Variants in SLC25A23 observed in about 807,000 individuals in gnomAD.
The protein encoded by SLC25A23 is solute carrier family 25 member 23.
A neutral mutation model predicts 53.9 loss-of-function variants in SLC25A23; 32 were observed. The ratio of observed to expected loss-of-function variants is 0.59; its 90% CI spans 0.45 to 0.80. SLC25A23 has a LOEUF of 0.80. Among genes scored for constraint, SLC25A23 ranks in the 30% least tolerant of loss-of-function variants. The probability of loss-of-function intolerance (pLI) is 0.00; values close to 1 mark genes in which losing one functional copy is unlikely to be tolerated. For missense variants in SLC25A23, 575 were observed against 651.4 expected (o/e 0.88, Z 1.28); for synonymous variants, 275 against 264.5 (o/e 1.04, Z -0.38).
intron 2 of SLC25A23, 83 bp from the exon 3 acceptor site, chr19:6,457,673 G>T: frequency 8.2e-7 from 1 of 1,220,342 alleles, no homozygotes; most frequent in Non-Finnish European, 1.2e-6. Flanking sequence ...GAACAGCTTG[G>T]AATGGAGGTG....
chr19:6,440,223 G>T lies in SLC25A23; in HGVS notation c.*1752C>A, dbSNP rs2092399157. On this transcript the variant is annotated 3_prime_UTR_variant, in exon 10 of 10. Transcript: ENST00000301454. ...TCCCCTTTCCAAGTCCCTCCATGGG[G>T]TCTCCAGATGATCCTAAGCTCAGAA... The T allele has an allele frequency of 6.6e-6, 1 of 152,540 alleles. No homozygotes were observed. Among genetic ancestry groups the T allele is most frequent in the Non-Finnish European group, 1.5e-5 (1 of 68,032 alleles). 9.4% of individuals were successfully genotyped at this position (152,540 alleles called of 1,614,324 possible). A position where few individuals can be genotyped will look rare whatever the true frequency, so the allele number is the denominator to read the frequency against.
downstream of SLC25A23, among the ~76,000 whole-genome samples, chr19:6,439,384 ATCTCTC>A (rs71174914): frequency 1.4e-4 from 19 of 137,894 alleles, no homozygotes; most frequent in African/African-American, 3.0e-4. Context: ...GTGAGATCCT[ATCTCTC>A]TCTCTCTCTC....
chr19:6,436,560 T>A (rs1176464942), downstream of SLC25A23: 1 of 416,368 alleles, frequency 2.4e-6, no homozygotes, highest in Non-Finnish European at 4.8e-6. Flanking sequence ...TTTTTTTTTT[T>A]TTCTTTGAGA....
In SLC25A23 at chr19:6,454,452, C is replaced by T; in HGVS notation, c.666G>A (p.Arg222=). 1.9e-6 allele frequency: 3 copies of T among 1,614,164 alleles called. No individual in the cohort carries two copies. Among genetic ancestry groups the T allele is most frequent in the Non-Finnish European group, 2.5e-6 (3 of 1,180,042 alleles). ...FMQVHASKTN[R]LNILGGLRSM... ...TTCGAAGCCCCCCAAGGATGTTCAG[C>T]CGGTTGGTCTTTGAGGCATGGACCT... Residue 222 remains arginine, a synonymous_variant, in exon 6 of 10, where the codon CGG becomes CGA. Transcript: ENST00000301454. This position sits in a 1 kb window ranked among gnomAD's most constrained non-coding sequence, Gnocchi z 4.3.
intron 9 of SLC25A23, among the ~76,000 whole-genome samples, chr19:6,443,037 C>T (rs1183884493): frequency 1.3e-5 from 2 of 149,634 alleles, no homozygotes; most frequent in Non-Finnish European, 3.0e-5. Flanking sequence ...CTGCTGGGTT[C>T]AAGTGATTCT....
intron 8 of SLC25A23, among the ~76,000 whole-genome samples, chr19:6,447,371 G>A (rs147235572): frequency 6.6e-5 from 10 of 150,858 alleles, no homozygotes; most frequent in African/African-American, 1.9e-4. Context: ...GTGAAATCTC[G>A]GCTCACTGCA....
In SLC25A23 at chr19:6,458,598, A is replaced by T. The variant is rs78699598; in HGVS notation, c.157-274T>A. Among the ~76,000 whole-genome samples, 2,647 of 152,346 alleles carry T rather than the reference A, an allele frequency of 0.017. 30 individuals carry two copies. Among genetic ancestry groups the T allele is most frequent in the Middle Eastern group, 0.044 (13 of 294 alleles). On this transcript the variant is annotated intron_variant, in intron 1 of 9. Coordinates refer to ENST00000301454, the MANE Select transcript of SLC25A23 (RefSeq NM_024103.3). ...GTCACCAGTTCAAGGTCACAGAACCAGGAAATGGTAACCTCAGTTCTCATC... is the reference window on the plus strand; with the variant it reads ...GTCACCAGTTCAAGGTCACAGAACCTGGAAATGGTAACCTCAGTTCTCATC...
chr19:6,456,524 G>C lies in SLC25A23; in HGVS notation c.379C>G (p.Arg127Gly). ...QAEKILHSMD[R>G]DGTMTIDWQE... ...CAGTCAATGGTCATTGTGCCGTCTC[G>C]GTCCATGCTGGGGGGAAGAAAGGGG... Residue 127 changes from arginine (R) to glycine (G), a missense_variant, in exon 4 of 10, where the codon CGA becomes GGA. Coordinates refer to ENST00000301454, the MANE Select transcript of SLC25A23 (RefSeq NM_024103.3). The C allele has an allele frequency of 6.2e-7, 1 of 1,613,468 alleles. No individual in the cohort carries two copies. Among genetic ancestry groups the C allele is most frequent in the Non-Finnish European group, 8.5e-7 (1 of 1,179,848 alleles).
Position 6,456,522 on chromosome 19 carries a change from T to C in SLC25A23, c.381A>G (p.Arg127=), listed in dbSNP as rs1344733157. 1 of 1,608,020 alleles carries C rather than the reference T, an allele frequency of 6.2e-7. No individual in the cohort carries two copies. The highest frequency in any genetic ancestry group is 8.5e-7 in the Non-Finnish European group (1 of 1,177,268). ...GCCAGTCAATGGTCATTGTGCCGTC[T>C]CGGTCCATGCTGGGGGGAAGAAAGG... is the stretch of plus-strand genomic sequence containing the variant. ...QAEKILHSMD[R]DGTMTIDWQE... is the part of the protein sequence containing the mutation. The change falls in exon 4 of 10, where the codon CGA becomes CGG. Residue 127 remains arginine (R), a synonymous_variant. Transcript: ENST00000301454.
At chr19:6,437,360 C>T (rs988058718), downstream of SLC25A23, among the ~76,000 whole-genome samples, 3 of 152,090 alleles carry the variant, frequency 2.0e-5, no homozygotes, top group African/African-American at 7.2e-5. Context: ...GTGGGTTGAA[C>T]TTTGTCCCCC....
At chr19:6,452,870 C>G (rs559590716) in intron 7 of SLC25A23, among the ~76,000 whole-genome samples, 1 of 152,144 alleles carries the variant, frequency 6.6e-6, no homozygotes, top group African/African-American at 2.4e-5. Context: ...TATCTTGTTC[C>G]CTTCTGCTTT....
At chr19:6,443,163 T>C (rs2092448763) in intron 9 of SLC25A23, among the ~76,000 whole-genome samples, 1 of 151,746 alleles carries the variant, frequency 6.6e-6, no homozygotes, top group Admixed American at 6.6e-5. Flanking sequence ...AGTCTCGAAC[T>C]CCTGACCTCA....
rs2092722045 is a variant in SLC25A23, at chr19:6,459,071, TC to T, written c.156+401del. The stretch of plus-strand genomic sequence containing the variant: ...AGGCCAGGGAATGTAAACACAGGGA[TC>T]GGGGCAGCTGCAGGCCAGGGCAGTA... On this transcript the variant is annotated intron_variant, in intron 1 of 9. Transcript: ENST00000301454. The surrounding 1 kb of genome is among the most constrained non-coding windows in gnomAD (Gnocchi z 4.6). 6.6e-6 allele frequency among the ~76,000 whole-genome samples: 1 copy of T among 151,968 alleles called. No individual in the cohort carries two copies. The highest frequency in any genetic ancestry group is 6.5e-5 in the Admixed American group (1 of 15,272).
At chr19:6,436,780 T>G (rs907615245), downstream of SLC25A23, among the ~76,000 whole-genome samples, 58 of 152,030 alleles carry the variant, frequency 3.8e-4, no homozygotes, top group East Asian at 7.8e-4. Flanking sequence ...ACTCCTGACC[T>G]CAGGTGATTC....
rs367621690 is a variant in SLC25A23, at chr19:6,454,301, T to A, written c.795+22A>T. On this transcript the variant is annotated intron_variant, in intron 6 of 9. Coordinates refer to ENST00000301454, the MANE Select transcript of SLC25A23 (RefSeq NM_024103.3). This position sits in a 1 kb window ranked among gnomAD's most constrained non-coding sequence, Gnocchi z 4.3. ...CCAGTCTTCCCTATGGCAAGCACAT[T>A]CCTCCCTGTACCTGCCCTCACCTGT... 6.2e-7 allele frequency: 1 copy of A among 1,605,804 alleles called. No homozygotes were observed. Among genetic ancestry groups the A allele is most frequent in the African/African-American group, 1.3e-5 (1 of 74,736 alleles).
chr19:6,443,004 A>G (rs2092446661), intron 9 of SLC25A23, among the ~76,000 whole-genome samples: 2 of 146,772 alleles, frequency 1.4e-5, no homozygotes, highest in African/African-American at 5.1e-5. Flanking sequence ...GATGGCACGA[A>G]CTTGGCTTAC....
chr19:6,459,657 C>T lies in SLC25A23; in HGVS notation c.-29G>A, dbSNP rs754150898. 1.5e-6 allele frequency: 2 copies of T among 1,329,410 alleles called. No homozygotes were observed. The allele number at this position is 1,329,410 out of a possible 1,614,324, so 82.4% of individuals were successfully genotyped here. A position where few individuals can be genotyped will look rare whatever the true frequency, so the allele number is the denominator to read the frequency against. ...GCCCGCCCGGGGGGGAGGGGAGGCC[C>T]GGCAGCGGCGGCCTCAGTGGGGGCT... On this transcript the variant is annotated 5_prime_UTR_variant, in exon 1 of 10. Transcript: ENST00000301454. The surrounding 1 kb of genome is among the most constrained non-coding windows in gnomAD (Gnocchi z 4.6).
chr19:6,444,071 C>T, intron 9 of SLC25A23, 80 bp downstream of exon 9: 3 of 1,411,670 alleles, frequency 2.1e-6, no homozygotes, highest in Non-Finnish European at 2.8e-6. Flanking sequence ...AGGAGGGTCC[C>T]AGCCCAGGGC....
chr19:6,459,540 T>C lies in SLC25A23; in HGVS notation c.89A>G (p.Asp30Gly). ...ELDSNKDGRV[D>G]VHELRQGLAR... is the part of the protein sequence containing the mutation. The stretch of plus-strand genomic sequence containing the variant: ...CAGCCCCTGGCGCAACTCGTGCACG[T>C]CCACGCGGCCATCCTTGTTACTGTC... Residue 30 changes from aspartate (D) to glycine (G), a missense_variant, in exon 1 of 10, where the codon GAC (aspartate) becomes GGC (glycine). Asp to Gly is a moderately conservative substitution (Grantham distance 94). Transcript: ENST00000301454. This position sits in a 1 kb window ranked among gnomAD's most constrained non-coding sequence, Gnocchi z 4.6. 6.3e-7 allele frequency: 1 copy of C among 1,599,042 alleles called. No homozygotes were observed. Among genetic ancestry groups the C allele is most frequent in the South Asian group, 1.1e-5 (1 of 90,252 alleles).
Sources: gnomAD v4.1 joint callset for allele counts (sites outside exome capture counted in the v4.1 genomes callset) on GRCh38, gnomAD v4.1.1 for gene constraint, Gnocchi (gnomAD v3.1) non-coding constraint, MANE v1.5 for transcripts, NCBI Gene and HGNC (gene_info 2026-07-23, HGNC 2026-07-21) for gene names.